Variants in GALNT17 observed in about 807,000 individuals in gnomAD.
GALNT17 encodes the protein UDP-GalNAc:polypeptide N-acetylgalactosaminyltransferase-like 3.
In GALNT17, 29 loss-of-function variants were observed where a neutral mutation model predicts 63.7. That is an observed-to-expected ratio of 0.46 (90% CI 0.34 to 0.62). The LOEUF is 0.62. Among genes scored for constraint, GALNT17 ranks in the 20% least tolerant of loss-of-function variants. The pLI is 0.01. For synonymous variants in GALNT17, 305 were observed against 318.3 expected (o/e 0.96, Z 0.45); for missense variants, 603 against 799.6 (o/e 0.75, Z 2.97).
chr7:71,326,888 A>C (rs1012695728), intron 1 of GALNT17, among the ~76,000 whole-genome samples: 3 of 152,210 alleles, frequency 2.0e-5, no homozygotes, highest in Non-Finnish European at 4.4e-5. Flanking sequence ...ATTCTCTGTG[A>C]CATTCATCAG....
At chr7:71,627,616 A>G (rs988487301) in intron 6 of GALNT17, among the ~76,000 whole-genome samples, 1 of 152,298 alleles carries the variant, frequency 6.6e-6, no homozygotes, top group East Asian at 1.9e-4. Context: ...AAGAACCACA[A>G]GACCTGTCCG....
chr7:71,661,022 G>A (rs1395425927), intron 6 of GALNT17, among the ~76,000 whole-genome samples: 2 of 152,194 alleles, frequency 1.3e-5, no homozygotes, highest in Non-Finnish European at 2.9e-5. Context: ...GGATGTCATT[G>A]GTGCCACTGC....
At chr7:71,157,711 C>T (rs116542125) in intron 1 of GALNT17, among the ~76,000 whole-genome samples, 8,430 of 151,812 alleles carry the variant, frequency 0.056, 353 homozygotes, top group South Asian at 0.12. Flanking sequence ...CTGTCTTTAC[C>T]ATTTTAAGTG....
chr7:71,237,663 T>C (rs892518156), intron 1 of GALNT17, among the ~76,000 whole-genome samples: 2 of 151,886 alleles, frequency 1.3e-5, no homozygotes, highest in Non-Finnish European at 2.9e-5. Flanking sequence ...CCAGCATGGG[T>C]GACAGAGTGA....
intron 1 of GALNT17, among the ~76,000 whole-genome samples, chr7:71,156,067 A>G (rs1788229374): frequency 1.3e-5 from 2 of 151,774 alleles, no homozygotes; most frequent in African/African-American, 2.4e-5. Context: ...GTGGTGGTGT[A>G]TGCCTGTAAT....
At chr7:71,204,596 C>T (rs1441528689) in intron 1 of GALNT17, among the ~76,000 whole-genome samples, 16 of 146,684 alleles carry the variant, frequency 1.1e-4, no homozygotes, top group African/African-American at 3.8e-4. Context: ...GACAGAGTCT[C>T]ACCCTGTTGC....
At chr7:71,704,918 AAC>A (rs1791702254) in intron 9 of GALNT17, among the ~76,000 whole-genome samples, 1 of 152,224 alleles carries the variant, frequency 6.6e-6, no homozygotes, top group Non-Finnish European at 1.5e-5. Flanking sequence ...ATTCTTAGAA[AAC>A]ACAGGGGTAA....
At chr7:71,447,504 A>C (rs1462154948) in intron 5 of GALNT17, among the ~76,000 whole-genome samples, 1 of 152,190 alleles carries the variant, frequency 6.6e-6, no homozygotes, top group Non-Finnish European at 1.5e-5. Flanking sequence ...CTAAAATCAA[A>C]AAAAAAATCT....
chr7:71,403,025 G>T (rs1400815432), intron 3 of GALNT17, among the ~76,000 whole-genome samples: 1 of 152,104 alleles, frequency 6.6e-6, no homozygotes, highest in Non-Finnish European at 1.5e-5. Context: ...TTTGCTATGT[G>T]GGTCTGTAAT....
chr7:71,540,183 A>G (rs1788866717), intron 5 of GALNT17, among the ~76,000 whole-genome samples: 1 of 129,852 alleles, frequency 7.7e-6, no homozygotes, highest in Non-Finnish European at 1.6e-5. Flanking sequence ...ATCTTGGCTC[A>G]CTGCAACCTC....
intron 9 of GALNT17, among the ~76,000 whole-genome samples, chr7:71,704,894 G>A (rs1791701974): frequency 6.6e-6 from 1 of 152,116 alleles, no homozygotes; most frequent in Non-Finnish European, 1.5e-5. Context: ...AAATATAAGA[G>A]ATGAAACTAT....
At position 71,557,093 on chromosome 7, in the gene GALNT17, A is replaced by G. The variant is rs1352860401; in HGVS notation, c.963-14192A>G. On this transcript the variant is annotated intron_variant, in intron 5 of 10. Coordinates refer to ENST00000333538, the MANE Select transcript of GALNT17 (RefSeq NM_022479.3). ...TTTTGGGGAGAGATAGGGTCTCTCT[A>G]TGTTGCCTCACTGGTCTCAAATTCC... Among the ~76,000 whole-genome samples, 9 of 141,944 alleles carry G rather than the reference A, an allele frequency of 6.3e-5. No homozygotes were observed. In the South Asian group the frequency reaches 1.1e-3, roughly 18 times the overall value. The allele number at this position is 141,944 out of a possible 152,430, so 93.1% of individuals were successfully genotyped here. A position where few individuals can be genotyped will look rare whatever the true frequency, so the allele number is the denominator to read the frequency against.
chr7:71,633,235 C>T (rs957643528), intron 6 of GALNT17, among the ~76,000 whole-genome samples: 3 of 152,078 alleles, frequency 2.0e-5, no homozygotes. Context: ...CATTCTCACT[C>T]GCCATGTCCC....
At chr7:71,358,153 C>G (rs760559536) in intron 2 of GALNT17, among the ~76,000 whole-genome samples, 1 of 152,152 alleles carries the variant, frequency 6.6e-6, no homozygotes, top group African/African-American at 2.4e-5. Context: ...CCATGAAGAT[C>G]CGCGGCTCCA....
chr7:71,216,454 C>G (rs1190750290), intron 1 of GALNT17, among the ~76,000 whole-genome samples: 2 of 152,110 alleles, frequency 1.3e-5, no homozygotes, highest in South Asian at 2.1e-4. Context: ...CAGATACATT[C>G]AACTTCATCT....
intron 1 of GALNT17, among the ~76,000 whole-genome samples, chr7:71,247,896 A>T (rs955563537): frequency 1.2e-4 from 19 of 152,234 alleles, no homozygotes; most frequent in African/African-American, 4.1e-4. Flanking sequence ...AGAAAATCGT[A>T]AGGAAGAAGA....
Position 71,416,053 on chromosome 7 carries a change from A to G in GALNT17, c.754A>G (p.Thr252Ala). The G allele has an allele frequency of 6.2e-7, 1 of 1,610,980 alleles. No homozygotes were observed. The highest frequency in any genetic ancestry group is 2.2e-5 in the East Asian group (1 of 44,808). The change falls in exon 4 of 11, where the codon ACC (threonine) becomes GCC (alanine). Residue 252 changes from threonine (T) to alanine (A), a missense_variant. By Grantham distance (58) the Thr-to-Ala change is moderately conservative. Transcript: ENST00000333538. ...CTTCTTTGATGCCCACGTGGAATTC[A>G]CCGCTGGCTGGTAGGTCATGAGCTG... ...TGFFDAHVEF[T>A]AGWAEPVLSR...
chr7:71,524,167 T>C (rs1057495484), intron 5 of GALNT17, among the ~76,000 whole-genome samples: 4 of 150,130 alleles, frequency 2.7e-5, no homozygotes, highest in South Asian at 2.1e-4. Context: ...AGTTGTTTAA[T>C]AGTTTTAGTT....
intron 2 of GALNT17, among the ~76,000 whole-genome samples, chr7:71,341,757 C>T (rs1792008935): frequency 6.6e-6 from 1 of 152,188 alleles, no homozygotes; most frequent in African/African-American, 2.4e-5. Context: ...AATTTTACCT[C>T]CTCTGAATTT....
Sources: allele counts gnomAD v4.1 joint callset (sites outside exome capture counted in the v4.1 genomes callset), GRCh38; gene constraint gnomAD v4.1.1; transcripts MANE v1.5; gene names NCBI Gene and HGNC (gene_info 2026-07-23, HGNC 2026-07-21).